C2orf42: variants seen among roughly 807,000 people sequenced by gnomAD.
C2orf42 encodes chromosome 2 open reading frame 42.
A neutral mutation model predicts 58.9 loss-of-function variants in C2orf42; 44 were observed. The observed-to-expected ratio is 0.75, with a 90% confidence interval of 0.59 to 0.96. The LOEUF is 0.96. C2orf42 is among the 40% of genes least tolerant of loss of function. The probability of loss-of-function intolerance (pLI) is 0.00; values close to 1 mark genes in which losing one functional copy is unlikely to be tolerated. For synonymous variants in C2orf42, 239 were observed against 265.4 expected, an observed-to-expected ratio of 0.90 and a Z score of 0.97; for missense variants, 630 against 699.2, an observed-to-expected ratio of 0.90 and a Z score of 1.12.
intron 6 of C2orf42, among the ~76,000 whole-genome samples, chr2:70,168,256 A>C (rs62151194): frequency 0.2 from 29,384 of 149,866 alleles, 4,032 homozygotes; most frequent in African/African-American, 0.39. Flanking sequence ...AGTTGGGACT[A>C]CAGGCCTCTG....
At chr2:70,172,583 G>A (rs1199494427) in intron 5 of C2orf42, among the ~76,000 whole-genome samples, 11 of 152,064 alleles carry the variant, frequency 7.2e-5, no homozygotes, top group Admixed American at 7.2e-4. Context: ...GGAGGCTAAG[G>A]TGGGAGGATA....
intron 8 of C2orf42, among the ~76,000 whole-genome samples, chr2:70,163,875 A>G (rs1482478864): frequency 2.0e-5 from 3 of 151,698 alleles, no homozygotes; most frequent in Non-Finnish European, 4.4e-5. Flanking sequence ...TAAAAACATA[A>G]AATGTCTAGT....
chr2:70,158,968 G>C lies in C2orf42; in HGVS notation c.1516+1657C>G, dbSNP rs145530145. 7.0e-3 allele frequency among the ~76,000 whole-genome samples: 952 copies of C among 136,272 alleles called. 11 individuals carry two copies. Among genetic ancestry groups the C allele is most frequent in the African/African-American group, 0.026 (913 of 35,676 alleles). 89.4% of individuals were successfully genotyped at this position (136,272 alleles called of 152,430 possible). On this transcript the variant is annotated intron_variant, in intron 9 of 9. Transcript: ENST00000264434. ...CCCAGGCTGGAGTGCATGGAGTGCAGTGGCGCGATCTCGGCTCACTGCAAG... is the reference window on the plus strand; with the variant it reads ...CCCAGGCTGGAGTGCATGGAGTGCACTGGCGCGATCTCGGCTCACTGCAAG...
At chr2:70,166,158 GGATT>G (rs1673388730) in intron 6 of C2orf42, among the ~76,000 whole-genome samples, 2 of 151,486 alleles carry the variant, frequency 1.3e-5, no homozygotes, top group Admixed American at 1.3e-4. Flanking sequence ...CAAAGTGCTG[GGATT>G]ACAGGCGTGA....
In C2orf42 at chr2:70,169,651, C is replaced by T; in HGVS notation, c.1050G>A (p.Gln350=). 6.3e-7 allele frequency: 1 copy of T among 1,588,548 alleles called. No individual in the cohort carries two copies. The highest frequency in any genetic ancestry group is 1.7e-5 in the Admixed American group (1 of 59,932). The change falls in exon 6 of 10, where the codon CAG becomes CAA. Residue 350 remains glutamine, a synonymous_variant. Transcript: ENST00000264434. Reference sequence around the variant, plus strand: ...AAGTCACTTGTGCCTCATCTAACAGCTGACCACAGGCTAGGGAAAAAAAAA... The same window carrying T: ...AAGTCACTTGTGCCTCATCTAACAGTTGACCACAGGCTAGGGAAAAAAAAA... ...ASSLKRQACG[Q]LLDEAQVTLS...
chr2:70,157,938 C>T (rs906471495), intron 9 of C2orf42, among the ~76,000 whole-genome samples: 7 of 152,016 alleles, frequency 4.6e-5, no homozygotes, highest in African/African-American at 1.7e-4. Flanking sequence ...TGGTGGCTCA[C>T]GTCTATAATC....
intron 9 of C2orf42, among the ~76,000 whole-genome samples, chr2:70,153,118 G>A (rs72900653): frequency 0.015 from 2,289 of 152,106 alleles, 52 homozygotes; most frequent in African/African-American, 0.053. Context: ...GGTGTGAGAA[G>A]GAGGAGAAAC....
At chr2:70,188,683 C>T (rs1438596727) in intron 1 of C2orf42, among the ~76,000 whole-genome samples, 2 of 152,130 alleles carry the variant, frequency 1.3e-5, no homozygotes, top group African/African-American at 4.8e-5. Context: ...CTAGACTTTG[C>T]CCCTTTTTTC....
chr2:70,172,231 A>G (rs1673874078), intron 5 of C2orf42, among the ~76,000 whole-genome samples: 1 of 151,126 alleles, frequency 6.6e-6, no homozygotes, highest in South Asian at 2.1e-4. Flanking sequence ...CTCAAAAAAA[A>G]AAAAAAAAAA....
intron 7 of C2orf42, 22 bp from the exon 8 acceptor site, chr2:70,165,214 A>C: frequency 7.5e-7 from 1 of 1,332,126 alleles, no homozygotes. Flanking sequence ...AAAAAGGACA[A>C]AATTAGATTA....
chr2:70,189,406 CAAAAAAA>C (rs1182514916), intron 1 of C2orf42, among the ~76,000 whole-genome samples: 14 of 27,142 alleles, frequency 5.2e-4, no homozygotes, highest in Admixed American at 4.5e-3. Flanking sequence ...AACTCCATCT[CAAAAAAA>C]AAAAAAAAAA....
chr2:70,150,483 C>T lies in C2orf42; in HGVS notation c.1598G>A (p.Gly533Asp). The T allele has an allele frequency of 6.2e-7, 1 of 1,614,062 alleles. No individual in the cohort carries two copies. The highest frequency in any genetic ancestry group is 1.1e-5 in the South Asian group (1 of 91,072). ...ATACTCAAACTTGATCCGCAGCTCGCCAATCTTAGATTGGGGAAGGATATC... is the reference window on the plus strand; with the variant it reads ...ATACTCAAACTTGATCCGCAGCTCGTCAATCTTAGATTGGGGAAGGATATC... ...IPDILPQSKI[G>D]ELRIKFEYGH... The change falls in exon 10 of 10, where the codon GGC (glycine) becomes GAC (aspartate). Residue 533 changes from glycine (G) to aspartate (D), a missense_variant. Physicochemically the swap from Gly to Asp is moderately conservative, Grantham distance 94 (BLOSUM62 -1). Coordinates refer to ENST00000264434, the MANE Select transcript of C2orf42 (RefSeq NM_017880.3).
chr2:70,167,499 G>C (rs1673480481), intron 6 of C2orf42, among the ~76,000 whole-genome samples: 1 of 152,098 alleles, frequency 6.6e-6, no homozygotes, highest in Non-Finnish European at 1.5e-5. Context: ...CCAACACTTT[G>C]GGAGGCCTAG....
intron 8 of C2orf42, among the ~76,000 whole-genome samples, chr2:70,164,686 G>A (rs915870219): frequency 2.0e-5 from 3 of 152,090 alleles, no homozygotes; most frequent in Non-Finnish European, 4.4e-5. Flanking sequence ...GAACAAAGCT[G>A]TAGTTTGGGG....
chr2:70,185,477 G>A (rs1198270889), intron 1 of C2orf42, among the ~76,000 whole-genome samples: 1 of 151,972 alleles, frequency 6.6e-6, no homozygotes, highest in African/African-American at 2.4e-5. Context: ...TTGGGAGGCT[G>A]AGGTGGGAGG....
At chr2:70,165,451 A>G (rs1673334623) in intron 7 of C2orf42, 77 bp downstream of exon 7, 2 of 866,088 alleles carry the variant, frequency 2.3e-6, no homozygotes, top group East Asian at 2.4e-5. Flanking sequence ...CACGGTGAAT[A>G]TTCCACACAG....
chr2:70,162,970 C>A (rs979581027), intron 8 of C2orf42, among the ~76,000 whole-genome samples: 2 of 151,602 alleles, frequency 1.3e-5, no homozygotes, highest in South Asian at 4.2e-4. Flanking sequence ...CGGGTTCAAG[C>A]GATTCTCCTG....
intron 1 of C2orf42, among the ~76,000 whole-genome samples, chr2:70,188,785 T>C (rs1300839015): frequency 6.6e-6 from 1 of 152,240 alleles, no homozygotes; most frequent in Non-Finnish European, 1.5e-5. Flanking sequence ...TTCTTTTTCC[T>C]AATCTTGACA....
intron 5 of C2orf42, among the ~76,000 whole-genome samples, chr2:70,175,031 C>T (rs753278405): frequency 1.3e-5 from 2 of 152,046 alleles, no homozygotes; most frequent in Non-Finnish European, 2.9e-5. Context: ...TGGTTTTAGA[C>T]ATAATTTAGT....
Sources: allele counts gnomAD v4.1 joint callset (sites outside exome capture counted in the v4.1 genomes callset), GRCh38; gene constraint gnomAD v4.1.1; transcripts MANE v1.5; gene names NCBI Gene and HGNC (gene_info 2026-07-23, HGNC 2026-07-21).